Variants in FAM234B observed in about 807,000 individuals in gnomAD.
The protein encoded by FAM234B is protein FAM234B.
Under a neutral mutation model 69.3 loss-of-function variants are expected in FAM234B, and 33 were observed. That is an observed-to-expected ratio of 0.48 (90% confidence interval 0.36 to 0.64). The LOEUF (loss-of-function observed/expected upper bound fraction) is 0.64, where lower values mean the gene tolerates loss of function less well. Among genes scored for constraint, FAM234B ranks in the 30% least tolerant of loss-of-function variants. FAM234B has a pLI of 0.00. For missense variants in FAM234B, 697 were observed against 769.7 expected (o/e 0.91, Z 1.12); for synonymous variants, 306 against 306.9 (o/e 1.00, Z 0.03).
In FAM234B at chr12:13,062,978, A is replaced by T. The variant is rs776370958; in HGVS notation, c.852+3A>T. ...TTCTGGCCATTGGGGAATTGCAGGT[A>T]TGATCTCTATTAAATGTTTTTTGTT... On this transcript the variant is annotated splice_donor_region_variant and intron_variant, in intron 5 of 12. Coordinates refer to ENST00000197268, the MANE Select transcript of FAM234B (RefSeq NM_020853.2). The T allele has an allele frequency of 4.3e-6, 7 of 1,613,608 alleles. No homozygotes were observed. Among genetic ancestry groups the T allele is most frequent in the Non-Finnish European group, 5.9e-6 (7 of 1,179,770 alleles).
rs755552562 is a variant in FAM234B, at chr12:13,066,703, T to A, written c.916T>A (p.Tyr306Asn). Reference sequence around the variant, plus strand: ...AAATCCAGTGGGTCGACCTGTGAAGTACAACATCGTTGGAGTTGGGAATCT... The same window carrying A: ...AAATCCAGTGGGTCGACCTGTGAAGAACAACATCGTTGGAGTTGGGAATCT... ...TGNPVGRPVK[Y>N]NIVGVGNLIG... The change falls in exon 6 of 13, where the codon TAC becomes AAC. Residue 306 changes from tyrosine to asparagine, a missense_variant. Tyr to Asn is a moderately radical substitution (Grantham distance 143, BLOSUM62 -2). This residue lies in a region of FAM234B where 380 missense variants were observed against 447.1 expected (regional missense o/e 0.85). Transcript: ENST00000197268. The A allele has an allele frequency of 6.2e-7, 1 of 1,614,112 alleles. No individual in the cohort carries two copies. The highest frequency in any genetic ancestry group is 8.5e-7 in the Non-Finnish European group (1 of 1,179,978).
At chr12:13,062,683 CCT>C in intron 4 of FAM234B, 160 bp from the exon 5 acceptor site, 1 of 608,216 alleles carries the variant, frequency 1.6e-6, no homozygotes, top group East Asian at 2.9e-5. Flanking sequence ...CTGCCTGCTT[CCT>C]CCTCCTCAGT....
At position 13,044,687 on chromosome 12, in the gene FAM234B, C is replaced by T. The variant is rs772996470; in HGVS notation, c.37+247C>T. Among the ~76,000 whole-genome samples the T allele has an allele frequency of 6.6e-6, 1 of 152,178 alleles. No individual in the cohort carries two copies. The highest frequency in any genetic ancestry group is 1.5e-5 in the Non-Finnish European group (1 of 68,028). On this transcript the variant is annotated intron_variant, in intron 1 of 12. Transcript: ENST00000197268. This position sits in a 1 kb window ranked among gnomAD's most constrained non-coding sequence, Gnocchi z 5.6. ...CCGGAGACGCGCGGGGAGAGGGCGC[C>T]GAGCAGGTGTTACGGCGGGGAATGT...
chr12:13,064,386 C>T (rs1024815178), intron 5 of FAM234B, among the ~76,000 whole-genome samples: 4 of 152,184 alleles, frequency 2.6e-5, no homozygotes, highest in Non-Finnish European at 4.4e-5. Flanking sequence ...TGGGGAGACA[C>T]GGCAAGCCAT....
rs371576580 is a variant in FAM234B, at chr12:13,059,875, A to G, written c.532+1326A>G. On this transcript the variant is annotated intron_variant, in intron 3 of 12. Coordinates refer to ENST00000197268, the MANE Select transcript of FAM234B (RefSeq NM_020853.2). ...CTTAGATTTAGAGATGTTTTTAGTCATTTGGTATCTTACGTAGTTTGCTTC... is the reference window on the plus strand; with the variant it reads ...CTTAGATTTAGAGATGTTTTTAGTCGTTTGGTATCTTACGTAGTTTGCTTC... Among the ~76,000 whole-genome samples the G allele has an allele frequency of 4.6e-5, 7 of 152,324 alleles. No individual in the cohort carries two copies. In the East Asian group the frequency reaches 1.3e-3, roughly 29 times the overall value.
In FAM234B at chr12:13,044,421, C is replaced by T. The variant is rs888669292; in HGVS notation, c.18C>T (p.Ser6=). The change falls in exon 1 of 13, where the codon TCC becomes TCT. Residue 6 remains serine, a synonymous_variant. Transcript: ENST00000197268. The surrounding 1 kb of genome is among the most constrained non-coding windows in gnomAD (Gnocchi z 5.6). ...CCTCAGCCATGGCGACCGTGCTGTC[C>T]AGGGCGCTCAAGCTGCCGGGTAAGG... MATVL[S]RALKLPGKKS... 3 of 1,551,866 alleles carry T rather than the reference C, an allele frequency of 1.9e-6. No individual in the cohort carries two copies. The highest frequency in any genetic ancestry group is 2.6e-6 in the Non-Finnish European group (3 of 1,147,404).
chr12:13,047,172 A>C (rs138590402), intron 1 of FAM234B, among the ~76,000 whole-genome samples: 29 of 152,322 alleles, frequency 1.9e-4, no homozygotes, highest in African/African-American at 7.0e-4. Context: ...CTCAAGAAGG[A>C]AAGATGTTTG....
intron 1 of FAM234B, among the ~76,000 whole-genome samples, chr12:13,049,970 C>T (rs189000818): frequency 4.6e-5 from 7 of 152,082 alleles, no homozygotes; most frequent in Non-Finnish European, 1.0e-4. Context: ...GATCTAGGGC[C>T]GTTGGAAGCA....
At chr12:13,059,116 G>A (rs1050007556) in intron 3 of FAM234B, among the ~76,000 whole-genome samples, 19 of 152,180 alleles carry the variant, frequency 1.2e-4, no homozygotes, top group Non-Finnish European at 2.2e-4. Flanking sequence ...CTTTCAATGG[G>A]GAGCACAGCT....
Position 13,061,709 on chromosome 12 carries a change from A to G in FAM234B, c.667A>G (p.Ile223Val), listed in dbSNP as rs763552014. 3.1e-6 allele frequency: 5 copies of G among 1,614,104 alleles called. No homozygotes were observed. In the South Asian group the frequency reaches 3.3e-5, roughly 11 times the overall value. Residue 223 changes from isoleucine (I) to valine (V), a missense_variant, in exon 4 of 13, where the codon ATC (isoleucine) becomes GTC (valine). Physicochemically the swap from Ile to Val is conservative, Grantham distance 29 (BLOSUM62 3). Transcript: ENST00000197268. Reference protein sequence around the residue: ...ELMPGSLAETICLVTGTHKML... With the variant: ...ELMPGSLAETVCLVTGTHKML... The stretch of plus-strand genomic sequence containing the variant: ...GATGCCAGGAAGCTTGGCTGAAACC[A>G]TCTGCCTTGTGACAGGGACACACAA...
intron 3 of FAM234B, 32 bp downstream of exon 3, chr12:13,058,581 A>G (rs764778522): frequency 1.3e-6 from 2 of 1,556,338 alleles, no homozygotes; most frequent in East Asian, 2.2e-5. Context: ...AGGCTGCTAC[A>G]GGGGCACTGT....
At chr12:13,076,612 AC>A in intron 11 of FAM234B, among the ~76,000 whole-genome samples, 1 of 152,254 alleles carries the variant, frequency 6.6e-6, no homozygotes, top group Non-Finnish European at 1.5e-5. Context: ...ATAACTGTGC[AC>A]CCTGCATAGA....
chr12:13,056,058 A>C, intron 2 of FAM234B, 112 bp downstream of exon 2: 3 of 1,130,268 alleles, frequency 2.7e-6, no homozygotes, highest in Non-Finnish European at 1.2e-6. Context: ...GGCATTCCCC[A>C]CCCTGCCGTC....
At chr12:13,054,523 A>G (rs1409797682) in intron 1 of FAM234B, among the ~76,000 whole-genome samples, 2 of 152,244 alleles carry the variant, frequency 1.3e-5, no homozygotes, top group Non-Finnish European at 2.9e-5. Context: ...AGAGGTAGAC[A>G]CTAGCATTAA....
intron 11 of FAM234B, among the ~76,000 whole-genome samples, chr12:13,077,725 T>C (rs1356230385): frequency 6.6e-6 from 1 of 152,124 alleles, no homozygotes; most frequent in Non-Finnish European, 1.5e-5. Flanking sequence ...AGTGCCGCAA[T>C]AAATATACGT....
chr12:13,063,139 T>C (rs980070013), intron 5 of FAM234B, among the ~76,000 whole-genome samples, 164 bp downstream of exon 5: 2 of 152,194 alleles, frequency 1.3e-5, no homozygotes, highest in African/African-American at 4.8e-5. Flanking sequence ...ACTTGACCAT[T>C]ATGAACCCAT....
At position 13,083,199 on chromosome 12, in the gene FAM234B, C is replaced by A. The variant is rs1251019592; in HGVS notation, c.*2569C>A. ...AGGTTGCCGGCAAAGCCAATATGACCACTACTGAGAAATAGTAATGACTTC... is the reference window on the plus strand; with the variant it reads ...AGGTTGCCGGCAAAGCCAATATGACAACTACTGAGAAATAGTAATGACTTC... On this transcript the variant is annotated 3_prime_UTR_variant, in exon 13 of 13. Transcript: ENST00000197268. The A allele has an allele frequency of 1.3e-5, 2 of 152,466 alleles. No individual in the cohort carries two copies. The highest frequency in any genetic ancestry group is 4.8e-5 in the African/African-American group (2 of 41,404). The allele number at this position is 152,466 out of a possible 1,614,324, so 9.4% of individuals were successfully genotyped here. A position where few individuals can be genotyped will look rare whatever the true frequency, so the allele number is the denominator to read the frequency against.
At chr12:13,048,934 G>GTGA (rs1864842874) in intron 1 of FAM234B, among the ~76,000 whole-genome samples, 2 of 152,154 alleles carry the variant, frequency 1.3e-5, no homozygotes, top group African/African-American at 4.8e-5. Context: ...ATCAGATCTC[G>GTGA]TGAGACTTAT....
intron 11 of FAM234B, among the ~76,000 whole-genome samples, 165 bp downstream of exon 11, chr12:13,076,308 C>T (rs1865159975): frequency 1.3e-5 from 2 of 152,236 alleles, no homozygotes; most frequent in East Asian, 1.9e-4. Flanking sequence ...TGGAATGCTC[C>T]CCTGGGTGGA....
Sources: gnomAD v4.1 joint callset for allele counts (sites outside exome capture counted in the v4.1 genomes callset) on GRCh38, gnomAD v4.1.1 for gene constraint, gnomAD v4.1.1 regional missense constraint, Gnocchi (gnomAD v3.1) non-coding constraint, MANE v1.5 for transcripts, NCBI Gene and HGNC (gene_info 2026-07-23, HGNC 2026-07-21) for gene names.